Variants in RALYL observed in about 807,000 individuals in gnomAD.
The protein encoded by RALYL is RALY RNA binding protein like.
A neutral mutation model predicts 35.1 loss-of-function variants in RALYL; 29 were observed. The observed-to-expected ratio is 0.83, with a 90% CI of 0.61 to 1.13. The LOEUF is 1.13. Among genes scored for constraint, RALYL ranks in the 50% most tolerant of loss-of-function variants. RALYL has a pLI of 0.00. For synonymous variants in RALYL, 120 were observed against 127.6 expected, an observed-to-expected ratio of 0.94 and a Z score of 0.40; for missense variants, 359 against 360.4, an observed-to-expected ratio of 1.00 and a Z score of 0.03.
intron 2 of RALYL, among the ~76,000 whole-genome samples, chr8:84,624,803 G>A (rs528248462): frequency 6.6e-6 from 1 of 152,286 alleles, no homozygotes; most frequent in Non-Finnish European, 1.5e-5. Context: ...ACAAAATAGA[G>A]TCATTCTTTC....
At chr8:84,197,856 T>G (rs1444629013) in intron 1 of RALYL, among the ~76,000 whole-genome samples, 1 of 151,650 alleles carries the variant, frequency 6.6e-6, no homozygotes, top group African/African-American at 2.4e-5. Flanking sequence ...CACTCTTTTT[T>G]GTTTGTTTGT....
intron 2 of RALYL, among the ~76,000 whole-genome samples, chr8:84,741,514 C>A (rs1807302405): frequency 6.6e-6 from 1 of 152,036 alleles, no homozygotes; most frequent in African/African-American, 2.4e-5. Flanking sequence ...ATGCTGTGGA[C>A]TCACATGGCA....
chr8:84,556,180 A>G (rs1434563049), intron 2 of RALYL, among the ~76,000 whole-genome samples: 1 of 152,238 alleles, frequency 6.6e-6, no homozygotes, highest in South Asian at 2.1e-4. Flanking sequence ...TTTAAGTTGC[A>G]TTTTGCGTGT....
At chr8:84,192,638 A>G (rs1158485768) in intron 1 of RALYL, among the ~76,000 whole-genome samples, 7 of 151,702 alleles carry the variant, frequency 4.6e-5, no homozygotes, top group African/African-American at 1.7e-4. Flanking sequence ...GCTCACTGCA[A>G]CCTCCGCTTA....
intron 2 of RALYL, among the ~76,000 whole-genome samples, chr8:84,688,984 A>G (rs962846704): frequency 6.6e-6 from 1 of 152,166 alleles, no homozygotes; most frequent in African/African-American, 2.4e-5. Flanking sequence ...ATCGCTAACT[A>G]TCAGGAAAAT....
chr8:84,830,828 A>C (rs1379850459), intron 4 of RALYL, among the ~76,000 whole-genome samples: 3 of 152,124 alleles, frequency 2.0e-5, no homozygotes, highest in Non-Finnish European at 1.5e-5. Context: ...TTTTCTTAAT[A>C]ATATTCAGAA....
chr8:84,316,668 A>C (rs1335822858), intron 1 of RALYL, among the ~76,000 whole-genome samples: 2 of 152,170 alleles, frequency 1.3e-5, no homozygotes, highest in African/African-American at 4.8e-5. Flanking sequence ...CTCATTCTGC[A>C]TCCGCAAATT....
intron 1 of RALYL, among the ~76,000 whole-genome samples, chr8:84,392,177 G>T (rs1860847006): frequency 6.6e-6 from 1 of 151,840 alleles, no homozygotes. Context: ...GAACATTCTG[G>T]TAAATGGCCA....
chr8:84,265,542 A>G (rs913456010), intron 1 of RALYL, among the ~76,000 whole-genome samples: 1 of 152,218 alleles, frequency 6.6e-6, no homozygotes, highest in Non-Finnish European at 1.5e-5. Context: ...GAATCCTACC[A>G]GTAACCTGAT....
At chr8:84,840,137 A>G (rs1170124547) in intron 4 of RALYL, among the ~76,000 whole-genome samples, 1 of 152,224 alleles carries the variant, frequency 6.6e-6, no homozygotes, top group Non-Finnish European at 1.5e-5. Flanking sequence ...TGACGAGTTG[A>G]GAGAATAAGG....
At chr8:84,887,019 C>T (rs754980204) in intron 7 of RALYL, among the ~76,000 whole-genome samples, 2 of 152,156 alleles carry the variant, frequency 1.3e-5, no homozygotes, top group Non-Finnish European at 2.9e-5. Flanking sequence ...ATGTTCTTAA[C>T]CATTGAAGTT....
intron 2 of RALYL, among the ~76,000 whole-genome samples, chr8:84,585,096 T>C (rs1811695789): frequency 3.9e-5 from 6 of 152,352 alleles, no homozygotes; most frequent in Admixed American, 3.9e-4. Flanking sequence ...TCCCAGCATA[T>C]GTGCTTGAGT....
chr8:84,506,189 A>G (rs1005933136), intron 1 of RALYL, among the ~76,000 whole-genome samples: 6 of 152,088 alleles, frequency 3.9e-5, no homozygotes, highest in African/African-American at 7.2e-5. Flanking sequence ...AGGTTTTATA[A>G]TAATTGCCTT....
At chr8:84,770,468 G>T (rs1185325724) in intron 2 of RALYL, among the ~76,000 whole-genome samples, 1 of 136,934 alleles carries the variant, frequency 7.3e-6, no homozygotes, top group Non-Finnish European at 1.6e-5. Context: ...CTTTGGGCTC[G>T]TTCCATATTT....
intron 3 of RALYL, among the ~76,000 whole-genome samples, chr8:84,789,842 C>G (rs1285859398): frequency 1.3e-5 from 2 of 151,502 alleles, no homozygotes; most frequent in Non-Finnish European, 2.9e-5. Context: ...AGAGTGAGAC[C>G]CTGTTTCAAA....
chr8:84,371,176 T>G (rs1412594371), intron 1 of RALYL, among the ~76,000 whole-genome samples: 1 of 152,040 alleles, frequency 6.6e-6, no homozygotes, highest in Non-Finnish European at 1.5e-5. Context: ...CAGTATTTAC[T>G]CTGTCAAGAC....
intron 1 of RALYL, among the ~76,000 whole-genome samples, chr8:84,245,992 A>G (rs1051109980): frequency 1.3e-5 from 2 of 152,172 alleles, no homozygotes; most frequent in Non-Finnish European, 1.5e-5. Context: ...CAAGCCCTGA[A>G]TAATGTAATA....
chr8:84,556,921 A>G (rs1042910548), intron 2 of RALYL, among the ~76,000 whole-genome samples: 1 of 152,226 alleles, frequency 6.6e-6, no homozygotes, highest in African/African-American at 2.4e-5. Context: ...TTGAATGGGA[A>G]ATAAATATTA....
rs115674225 is a variant in RALYL at position 84,415,191 on chromosome 8, A to G, written c.-23-114108A>G. On this transcript the variant is annotated intron_variant, in intron 1 of 8. Transcript: ENST00000521268. The stretch of plus-strand genomic sequence containing the variant: ...TTTTTTTTTTAATGGAAGTTATTCT[A>G]CTTGCAGACACTCGTTTTTTTTTTT... 7.8e-3 allele frequency among the ~76,000 whole-genome samples: 1,014 copies of G among 130,582 alleles called. 15 individuals are homozygous for G. The highest frequency in any genetic ancestry group is 0.027 in the African/African-American group (937 of 34,850). 85.7% of individuals were successfully genotyped at this position (130,582 alleles called of 152,430 possible).
Sources: allele counts gnomAD v4.1 joint callset (sites outside exome capture counted in the v4.1 genomes callset), GRCh38; gene constraint gnomAD v4.1.1; transcripts MANE v1.5; gene names NCBI Gene and HGNC (gene_info 2026-07-23, HGNC 2026-07-21).